The following PCDHA3 variants were observed in gnomAD, a reference collection of about 807,000 sequenced individuals.
PCDHA3 encodes the protein protocadherin alpha 3.
PCDHA3 carries 41 observed loss-of-function variants against 62.2 expected under a neutral mutation model. The ratio of observed to expected loss-of-function variants is 0.66; its 90% CI spans 0.51 to 0.86. The LOEUF (loss-of-function observed/expected upper bound fraction) is 0.86. Among genes scored for constraint, PCDHA3 ranks in the 40% least tolerant of loss-of-function variants. The probability of loss-of-function intolerance (pLI) is 0.00; values close to 1 mark genes in which losing one functional copy is unlikely to be tolerated. For missense variants in PCDHA3, 1,304 were observed against 1,241.2 expected (o/e 1.05, Z -0.76); for synonymous variants, 640 against 555.4 (o/e 1.15, Z -2.14).
Position 140,801,163 on chromosome 5 carries a change from T to A in PCDHA3, c.-35T>A. On this transcript the variant is annotated 5_prime_UTR_variant, in exon 1 of 4. It removes an upstream start codon present in the reference 5' UTR. Coordinates refer to ENST00000522353, the MANE Select transcript of PCDHA3 (RefSeq NM_018906.3). ...GAATTATTTTTAAACTTTGGATCAATGTAAAGGCAATCTAATATTTGGAAA... is the reference window on the plus strand; with the variant it reads ...GAATTATTTTTAAACTTTGGATCAAAGTAAAGGCAATCTAATATTTGGAAA... 1 of 1,557,588 alleles carries A rather than the reference T, an allele frequency of 6.4e-7. No individual in the cohort carries two copies. Among genetic ancestry groups the A allele is most frequent in the Non-Finnish European group, 8.7e-7 (1 of 1,155,086 alleles).
chr5:140,882,081 T>G, intron 1 of PCDHA3: 1 of 985,220 alleles, frequency 1.0e-6, no homozygotes, highest in Non-Finnish European at 1.5e-6. Context: ...ATGGTGTCGC[T>G]CTTCACTGAG....
chr5:140,830,566 T>C (rs1771135529), intron 1 of PCDHA3: 2 of 961,386 alleles, frequency 2.1e-6, no homozygotes, highest in South Asian at 6.5e-5. Context: ...TCTATATTTC[T>C]GTTTTTAATT....
intron 1 of PCDHA3, chr5:140,967,313 C>T: frequency 6.2e-7 from 1 of 1,611,052 alleles, no homozygotes; most frequent in Non-Finnish European, 8.5e-7. Flanking sequence ...CAACTCAGTA[C>T]AGACCTACGA....
chr5:140,900,432 C>T (rs782344144), intron 1 of PCDHA3, among the ~76,000 whole-genome samples: 1 of 152,178 alleles, frequency 6.6e-6, no homozygotes, highest in Non-Finnish European at 1.5e-5. Flanking sequence ...CACGTGCCAC[C>T]ACGGCCGGCT....
At chr5:140,968,722 T>C (rs1379540261) in intron 1 of PCDHA3, 2 of 1,613,846 alleles carry the variant, frequency 1.2e-6, no homozygotes, top group Admixed American at 1.7e-5. Context: ...GAGATGAGAG[T>C]GGTAGCACTT....
chr5:140,887,950 A>G (rs1397658604), intron 1 of PCDHA3, among the ~76,000 whole-genome samples: 1 of 152,110 alleles, frequency 6.6e-6, no homozygotes, highest in Non-Finnish European at 1.5e-5. Context: ...TATCTGTATA[A>G]GATTCTTTTT....
intron 1 of PCDHA3, chr5:140,871,293 G>A (rs1206433527): frequency 6.2e-7 from 1 of 1,613,794 alleles, no homozygotes; most frequent in Non-Finnish European, 8.5e-7. Context: ...CTGAGGGCGC[G>A]TGCGCGCCGG....
chr5:140,952,873 A>G (rs1554220663), intron 1 of PCDHA3, among the ~76,000 whole-genome samples: 1 of 152,168 alleles, frequency 6.6e-6, no homozygotes, highest in South Asian at 2.1e-4. Context: ...GGAAACTTAC[A>G]ATCATGGTGG....
chr5:140,927,635 A>G (rs782672031), intron 1 of PCDHA3: 17 of 1,614,038 alleles, frequency 1.1e-5, no homozygotes, highest in East Asian at 4.5e-5. Context: ...ACTGCACCCA[A>G]TGGGACTGTG....
rs141677026 is a variant in PCDHA3 at position 140,801,721 on chromosome 5, CTGAA to C, written c.526_529del (p.Glu176IlefsTer20). On this transcript the variant is annotated frameshift_variant, in exon 1 of 4. Transcript: ENST00000522353. LOFTEE classifies it high-confidence loss of function. ...TTGTTGACTTACAGTCTTGATTCCA[CTGAA>C]TATTTTACCTTGGACGTTAAAAGAA... 0.011 allele frequency: 18,159 copies of C among 1,614,106 alleles called. 133 individuals carry two copies. The highest frequency in any genetic ancestry group is 0.013 in the Non-Finnish European group (14,842 of 1,180,026).
chr5:140,802,868 C>G lies in PCDHA3; in HGVS notation c.1671C>G (p.Asp557Glu), dbSNP rs199682432. The change falls in exon 1 of 4, where the codon GAC (aspartate) becomes GAG (glutamate). Residue 557 changes from aspartate (D) to glutamate (E), a missense_variant. Coordinates refer to ENST00000522353, the MANE Select transcript of PCDHA3 (RefSeq NM_018906.3). ...TGACGCTGCAGGTGTTCGTGCTGGACGAGAACGACAACGCGCCGGCACTGC... is the reference window on the plus strand; with the variant it reads ...TGACGCTGCAGGTGTTCGTGCTGGAGGAGAACGACAACGCGCCGGCACTGC... ...SNVTLQVFVLDENDNAPALLM... is the reference protein window; with the variant it reads ...SNVTLQVFVLEENDNAPALLM... 1 of 1,613,720 alleles carries G rather than the reference C, an allele frequency of 6.2e-7. No individual in the cohort carries two copies. Among genetic ancestry groups the G allele is most frequent in the East Asian group, 2.2e-5 (1 of 44,878 alleles).
intron 1 of PCDHA3, chr5:140,810,571 A>G (rs1355589368): frequency 1.3e-5 from 2 of 152,218 alleles, no homozygotes; most frequent in Non-Finnish European, 2.9e-5. Context: ...ATTTAAATGA[A>G]GTTGAGTACC....
In PCDHA3 at chr5:141,008,942, A is replaced by G. The variant is rs544111760; in HGVS notation, c.2543-685A>G. Among the ~76,000 whole-genome samples the G allele has an allele frequency of 1.5e-4, 23 of 152,326 alleles. No homozygotes were observed. In the South Asian group the frequency reaches 4.8e-3, roughly 32 times the overall value. On this transcript the variant is annotated intron_variant, in intron 3 of 3. Transcript: ENST00000522353. ...ATTCAGCTAATTTTTCTTGTTTTGG[A>G]CAAAATAGACATCCTAATACATTTA...
chr5:140,927,137 A>G, intron 1 of PCDHA3: 2 of 1,614,052 alleles, frequency 1.2e-6, no homozygotes, highest in South Asian at 2.2e-5. Context: ...GAGCCGGCGG[A>G]CCGCGAACAG....
intron 1 of PCDHA3, chr5:140,814,678 C>G (rs1765562759): frequency 6.7e-6 from 1 of 149,848 alleles, no homozygotes; most frequent in African/African-American, 2.6e-5. Context: ...GAGTAATGTG[C>G]TACAACATTA....
chr5:140,877,434 C>T, intron 1 of PCDHA3: 1 of 1,613,804 alleles, frequency 6.2e-7, no homozygotes, highest in South Asian at 1.1e-5. Flanking sequence ...TGAAGGACCA[C>T]GGTGAGCCCG....
In PCDHA3 at chr5:140,801,214, G is replaced by A. The variant is rs539562114; in HGVS notation, c.17G>A (p.Arg6Gln). The A allele has an allele frequency of 3.7e-6, 6 of 1,605,896 alleles. No homozygotes were observed. The highest frequency in any genetic ancestry group is 3.4e-5 in the Admixed American group (2 of 58,854). The change falls in exon 1 of 4, where the codon CGA (arginine) becomes CAA (glutamine). Residue 6 changes from arginine (R) to glutamine (Q), a missense_variant. By Grantham distance (43) the Arg-to-Gln change is conservative (BLOSUM62 1). Transcript: ENST00000522353. ...ATACTTGCAATGTTGTTCTCCTGGC[G>A]AGAAGATCCTGGAGCCCAGTGCCTG... Reference protein sequence around the residue: MLFSWREDPGAQCLLL... With the variant: MLFSWQEDPGAQCLLL...
intron 1 of PCDHA3, chr5:140,825,432 TATA>T (rs1768576075): frequency 6.8e-6 from 1 of 147,582 alleles, no homozygotes; most frequent in African/African-American, 2.5e-5. Context: ...ATAATAAATA[TATA>T]ATAATAATAT....
intron 1 of PCDHA3, among the ~76,000 whole-genome samples, chr5:140,906,631 C>A (rs919514401): frequency 6.6e-6 from 1 of 152,238 alleles, no homozygotes; most frequent in East Asian, 1.9e-4. Context: ...TCAGCAAGCA[C>A]CTCAGCAGGT....
Sources: gnomAD v4.1 joint callset for allele counts (sites outside exome capture counted in the v4.1 genomes callset) on GRCh38, gnomAD v4.1.1 for gene constraint, MANE v1.5 for transcripts, NCBI Gene and HGNC (gene_info 2026-07-23, HGNC 2026-07-21) for gene names.